The following DISC1 variants were observed in gnomAD, a reference collection of about 807,000 sequenced individuals.
DISC1 encodes disrupted in schizophrenia 1 protein.
DISC1 carries 57 observed loss-of-function variants against 84.5 expected under a neutral mutation model. The observed-to-expected ratio is 0.67, with a 90% CI of 0.55 to 0.84. DISC1 has a LOEUF of 0.84. Among genes scored for constraint, DISC1 ranks in the 40% least tolerant of loss-of-function variants. The pLI is 0.00. For synonymous variants in DISC1, 411 were observed against 415.2 expected, an observed-to-expected ratio of 0.99 and a Z score of 0.12; for missense variants, 1,000 against 1,057.8, an observed-to-expected ratio of 0.95 and a Z score of 0.76.
intron 1 of DISC1, among the ~76,000 whole-genome samples, chr1:231,646,645 A>G (rs2060160426): frequency 6.6e-6 from 1 of 152,232 alleles, no homozygotes; most frequent in Admixed American, 6.5e-5. Context: ...ACTGTCTTCC[A>G]CAATGGTTGA....
intron 9 of DISC1, among the ~76,000 whole-genome samples, chr1:231,824,604 CAGCT>C (rs2125789870): frequency 6.6e-6 from 1 of 152,256 alleles, no homozygotes; most frequent in South Asian, 2.1e-4. Context: ...TTGAAATTTG[CAGCT>C]AACTTTCTCC....
At chr1:231,971,100 T>C (rs10864707) in intron 10 of DISC1, among the ~76,000 whole-genome samples, 23,124 of 152,050 alleles carry the variant, frequency 0.15, 3,495 homozygotes, top group African/African-American at 0.39. Flanking sequence ...AATTAATTAA[T>C]GGTGAATGTT....
At chr1:232,028,031 A>T (rs1484098419) in intron 12 of DISC1, among the ~76,000 whole-genome samples, 1 of 152,250 alleles carries the variant, frequency 6.6e-6, no homozygotes, top group Non-Finnish European at 1.5e-5. Flanking sequence ...AAAAGCAGAT[A>T]TTCTGTTCTT....
intron 3 of DISC1, among the ~76,000 whole-genome samples, chr1:231,741,498 T>C (rs2073266121): frequency 6.6e-6 from 1 of 152,204 alleles, no homozygotes; most frequent in Non-Finnish European, 1.5e-5. Flanking sequence ...CCAGGCAGCA[T>C]CCCAGGTGCA....
intron 9 of DISC1, among the ~76,000 whole-genome samples, chr1:231,848,211 A>G (rs202149878): frequency 2.6e-5 from 4 of 152,100 alleles, no homozygotes; most frequent in Non-Finnish European, 5.9e-5. Flanking sequence ...TCCCTTGCAT[A>G]ACAGGTTTGG....
At chr1:232,034,379 CATTG>C (rs1670330413) in intron 12 of DISC1, among the ~76,000 whole-genome samples, 1 of 152,146 alleles carries the variant, frequency 6.6e-6, no homozygotes, top group East Asian at 1.9e-4. Flanking sequence ...AATAATTAAG[CATTG>C]ATTGATTTGC....
intron 12 of DISC1, among the ~76,000 whole-genome samples, chr1:232,029,637 A>G (rs1669810717): frequency 6.6e-6 from 1 of 152,210 alleles, no homozygotes; most frequent in Non-Finnish European, 1.5e-5. Flanking sequence ...TGTGCATGTG[A>G]GGTACCCAAT....
At chr1:231,683,667 G>A (rs146939983) in intron 1 of DISC1, among the ~76,000 whole-genome samples, 317 of 151,360 alleles carry the variant, frequency 2.1e-3, no homozygotes, top group African/African-American at 7.0e-3. Flanking sequence ...CACTTTTTTC[G>A]CAAGCCCTCT....
In DISC1 at chr1:231,909,665, A is replaced by G. The variant is rs970383585; in HGVS notation, c.1982-49163A>G. Among the ~76,000 whole-genome samples the G allele has an allele frequency of 7.2e-5, 11 of 152,304 alleles. No homozygotes were observed. The Middle Eastern group carries it at 0.01, about 141-fold the overall frequency. ...TGTCGTGTCTCTGCCAGGCTTTGGT[A>G]TCAGGATGATGCTGGCCTCATAAAA... On this transcript the variant is annotated intron_variant, in intron 9 of 12. Transcript: ENST00000439617.
At position 231,955,584 on chromosome 1, in the gene DISC1, C is replaced by T. The variant is rs187951683; in HGVS notation, c.1982-3244C>T. On this transcript the variant is annotated intron_variant, in intron 9 of 12. Transcript: ENST00000439617. Reference sequence around the variant, plus strand: ...GGCTCACTGCAACCTCCGCCTCCCACGTTCAAGGGATTCTTCTGTCTCAGC... The same window carrying T: ...GGCTCACTGCAACCTCCGCCTCCCATGTTCAAGGGATTCTTCTGTCTCAGC... Among the ~76,000 whole-genome samples the T allele has an allele frequency of 2.1e-3, 321 of 151,662 alleles. 1 individual carries two copies. The highest frequency in any genetic ancestry group is 7.5e-3 in the African/African-American group (311 of 41,326).
intron 1 of DISC1, among the ~76,000 whole-genome samples, chr1:231,634,939 A>C (rs991528876): frequency 6.6e-6 from 1 of 150,998 alleles, no homozygotes; most frequent in African/African-American, 2.4e-5. Flanking sequence ...AAATGAAAAA[A>C]CTCCCCCAAA....
chr1:231,759,906 G>A (rs2075507338), intron 4 of DISC1, among the ~76,000 whole-genome samples: 1 of 152,138 alleles, frequency 6.6e-6, no homozygotes, highest in South Asian at 2.1e-4. Flanking sequence ...AGCCACAGAG[G>A]ACTTCTCAGA....
intron 11 of DISC1, among the ~76,000 whole-genome samples, chr1:232,025,119 A>G (rs1317679528): frequency 2.6e-5 from 4 of 152,268 alleles, no homozygotes; most frequent in Non-Finnish European, 5.9e-5. Flanking sequence ...ATGAATGACT[A>G]ACCCATGGCC....
chr1:231,674,308 A>G (rs530095945), intron 1 of DISC1, among the ~76,000 whole-genome samples: 3 of 151,776 alleles, frequency 2.0e-5, no homozygotes, highest in African/African-American at 7.2e-5. Context: ...TATATGTGCC[A>G]TTTTGAAGCT....
At chr1:231,812,120 A>G (rs896572629) in intron 8 of DISC1, among the ~76,000 whole-genome samples, 1 of 152,136 alleles carries the variant, frequency 6.6e-6, no homozygotes, top group African/African-American at 2.4e-5. Context: ...CAGTGGTATG[A>G]TCATGACTCA....
At chr1:231,905,829 T>C (rs2088590350) in intron 9 of DISC1, among the ~76,000 whole-genome samples, 1 of 152,054 alleles carries the variant, frequency 6.6e-6, no homozygotes, top group African/African-American at 2.4e-5. Flanking sequence ...TTCCTGATTT[T>C]GATGGTTATA....
chr1:231,677,895 T>C (rs1337053596), intron 1 of DISC1, among the ~76,000 whole-genome samples: 1 of 152,078 alleles, frequency 6.6e-6, no homozygotes, highest in African/African-American at 2.4e-5. Flanking sequence ...GAGGATCGCT[T>C]GAACCTGCGA....
At chr1:231,829,509 C>T (rs1302591041) in intron 9 of DISC1, among the ~76,000 whole-genome samples, 1 of 152,150 alleles carries the variant, frequency 6.6e-6, no homozygotes, top group African/African-American at 2.4e-5. Flanking sequence ...GAAGTACAGG[C>T]ATGTGCCACC....
rs1659041777 is a variant in DISC1 at position 231,954,440 on chromosome 1, T to C, written c.1982-4388T>C. 6.6e-6 allele frequency among the ~76,000 whole-genome samples: 1 copy of C among 152,194 alleles called. No homozygotes were observed. Among genetic ancestry groups the C allele is most frequent in the African/African-American group, 2.4e-5 (1 of 41,420 alleles). On this transcript the variant is annotated intron_variant, in intron 9 of 12. Transcript: ENST00000439617. The surrounding 1 kb of genome is among the most constrained non-coding windows in gnomAD (Gnocchi z 4.8). ...AATTGGATTCATCAAACTAATTGTATGAATTCCACTCTGTTATCATGGCCT... is the reference window on the plus strand; with the variant it reads ...AATTGGATTCATCAAACTAATTGTACGAATTCCACTCTGTTATCATGGCCT...
Sources: allele counts gnomAD v4.1 joint callset (sites outside exome capture counted in the v4.1 genomes callset), GRCh38; gene constraint gnomAD v4.1.1; non-coding constraint Gnocchi (gnomAD v3.1); transcripts MANE v1.5; gene names NCBI Gene and HGNC (gene_info 2026-07-23, HGNC 2026-07-21).